The following NFATC1 variants were observed in gnomAD, a reference collection of about 807,000 sequenced individuals.
NFATC1 encodes nuclear factor of activated T-cells, cytoplasmic 1.
NFATC1 carries 22 observed loss-of-function variants against 76.0 expected under a neutral mutation model. That is an observed-to-expected ratio of 0.29 (90% CI 0.21 to 0.41). The LOEUF (loss-of-function observed/expected upper bound fraction) is 0.41. NFATC1 is among the 10% of genes least tolerant of loss of function. NFATC1 has a pLI of 1.00. For synonymous variants in NFATC1, 704 were observed against 613.1 expected (o/e 1.15, Z -2.19); for missense variants, 1,357 against 1,337.7 (o/e 1.01, Z -0.23).
chr18:79,494,883 G>T (rs866963751), intron 9 of NFATC1, among the ~76,000 whole-genome samples: 1 of 141,604 alleles, frequency 7.1e-6, no homozygotes, highest in African/African-American at 2.6e-5. Context: ...GCGGGCACAC[G>T]CCCCCCATGA....
intron 8 of NFATC1, among the ~76,000 whole-genome samples, chr18:79,483,643 G>GGTCCTGGGGTGTCACTCTGGCGTGACCTT (rs2089395537): frequency 1.4e-5 from 2 of 142,528 alleles, no homozygotes; most frequent in Non-Finnish European, 3.0e-5. Context: ...GGCGTGACCT[G>GGTCCTGGGGTGTCACTCTGGCGTGACCTT]GTCCTGGGGT....
At position 79,461,380 on chromosome 18, in the gene NFATC1, G is replaced by A. The variant is rs752444771; in HGVS notation, c.1959+14G>A. On this transcript the variant is annotated intron_variant, in intron 7 of 9. Coordinates refer to ENST00000427363, the MANE Select transcript of NFATC1 (RefSeq NM_001278669.2). ...CTGTGCAAGCCGGTGAGTGCCTTTG[G>A]CGCAGCTGGAGCTACTGTGGGTCCC... is the stretch of plus-strand genomic sequence containing the variant. 1.7e-5 allele frequency: 27 copies of A among 1,613,986 alleles called. No individual in the cohort carries two copies. In the South Asian group the frequency reaches 2.7e-4, roughly 16 times the overall value.
rs768427557 is a variant in NFATC1 at position 79,486,659 on chromosome 18, C to T, written c.2504C>T (p.Pro835Leu). ...QVSAPPSSSCPPGLEHSLCPS... is the reference protein window; with the variant it reads ...QVSAPPSSSCLPGLEHSLCPS... ...AGTGCGCCTCCAAGCAGTAGCTGCC[C>T]CCCTGGTCTCGAACACTCGCTCTGC... Residue 835 changes from proline to leucine, a missense_variant, in exon 9 of 10, where the codon CCC becomes CTC. By Grantham distance (98) the Pro-to-Leu change is moderately conservative (BLOSUM62 -3). Coordinates refer to ENST00000427363, the MANE Select transcript of NFATC1 (RefSeq NM_001278669.2). The T allele has an allele frequency of 4.4e-6, 7 of 1,603,996 alleles. No homozygotes were observed. In the South Asian group the frequency reaches 7.7e-5, roughly 18 times the overall value.
In NFATC1 at chr18:79,448,858, C is replaced by T. The variant is rs2087332040; in HGVS notation, c.1463C>T (p.Pro488Leu). ...ACGGCGGACGACCGCCTGCTGCGCCCGCACGCCTTCTACCAGGTGCACCGC... is the reference window on the plus strand; with the variant it reads ...ACGGCGGACGACCGCCTGCTGCGCCTGCACGCCTTCTACCAGGTGCACCGC... ...IGTADDRLLR[P>L]HAFYQVHRIT... is the part of the protein sequence containing the mutation. Residue 488 changes from proline (P) to leucine (L), a missense_variant, in exon 4 of 10, where the codon CCG becomes CTG. Pro to Leu is a moderately conservative substitution (Grantham distance 98). Coordinates refer to ENST00000427363, the MANE Select transcript of NFATC1 (RefSeq NM_001278669.2). 2 of 1,613,720 alleles carry T rather than the reference C, an allele frequency of 1.2e-6. No individual in the cohort carries two copies. Among genetic ancestry groups the T allele is most frequent in the Non-Finnish European group, 8.5e-7 (1 of 1,180,046 alleles).
At chr18:79,408,071 C>T (rs1349094548) in intron 1 of NFATC1, among the ~76,000 whole-genome samples, 1 of 152,214 alleles carries the variant, frequency 6.6e-6, no homozygotes, top group Non-Finnish European at 1.5e-5. Flanking sequence ...ATTGAGGCCA[C>T]GGTGTGTCCT....
chr18:79,408,730 A>G (rs2085526724), intron 1 of NFATC1, among the ~76,000 whole-genome samples: 1 of 152,170 alleles, frequency 6.6e-6, no homozygotes, highest in South Asian at 2.1e-4. Context: ...ATCCATCATC[A>G]TCCATCCATC....
Position 79,465,462 on chromosome 18 carries a change from G to T in NFATC1, c.1960-1988G>T, listed in dbSNP as rs1034470204. Reference sequence around the variant, plus strand: ...ACAAGGTCCCGCCTCCGCCCAGCCAGCCTGGCCCACGGAATCTCCGCCTCT... The same window carrying T: ...ACAAGGTCCCGCCTCCGCCCAGCCATCCTGGCCCACGGAATCTCCGCCTCT... On this transcript the variant is annotated intron_variant, in intron 7 of 9. Transcript: ENST00000427363. This position sits in a 1 kb window ranked among gnomAD's most constrained non-coding sequence, Gnocchi z 4.2. 2.0e-5 allele frequency among the ~76,000 whole-genome samples: 3 copies of T among 148,784 alleles called. No individual in the cohort carries two copies. The highest frequency in any genetic ancestry group is 3.0e-5 in the Non-Finnish European group (2 of 67,140).
intron 8 of NFATC1, among the ~76,000 whole-genome samples, chr18:79,485,686 C>CCA (rs2145058268): frequency 6.6e-6 from 1 of 152,356 alleles, no homozygotes; most frequent in South Asian, 2.1e-4. Context: ...GTCACAGCCT[C>CCA]CACACAGCCT....
In NFATC1 at chr18:79,512,933, G is replaced by A. The variant is rs566176117; in HGVS notation, c.2783-14595G>A. Among the ~76,000 whole-genome samples, 10 of 152,316 alleles carry A rather than the reference G, an allele frequency of 6.6e-5. No homozygotes were observed. In the South Asian group the frequency reaches 8.3e-4, roughly 13 times the overall value. On this transcript the variant is annotated intron_variant, in intron 9 of 9. Transcript: ENST00000427363. ...GCAGGGACGTCCTGACCGTAGGTCCGCACCCCACCCACACCAAATCGCCTT... is the reference window on the plus strand; with the variant it reads ...GCAGGGACGTCCTGACCGTAGGTCCACACCCCACCCACACCAAATCGCCTT...
At position 79,464,579 on chromosome 18, in the gene NFATC1, T is replaced by C. The variant is rs555756291; in HGVS notation, c.1960-2871T>C. The stretch of plus-strand genomic sequence containing the variant: ...TGGGCATGCGTCCTGCTCCATTTGC[T>C]GCTGTGTGTGGATGTTCACGCAGAC... On this transcript the variant is annotated intron_variant, in intron 7 of 9. Coordinates refer to ENST00000427363, the MANE Select transcript of NFATC1 (RefSeq NM_001278669.2). Among the ~76,000 whole-genome samples the C allele has an allele frequency of 1.4e-3, 197 of 145,368 alleles. 1 individual carries two copies. The highest frequency in any genetic ancestry group is 4.8e-3 in the African/African-American group (187 of 39,026).
intron 3 of NFATC1, among the ~76,000 whole-genome samples, chr18:79,442,634 T>C (rs986610125): frequency 2.6e-5 from 4 of 152,222 alleles, no homozygotes; most frequent in Non-Finnish European, 5.9e-5. Context: ...TTCACAGACG[T>C]GCGGTGGCGG....
rs570474560 is a variant in NFATC1 at position 79,523,108 on chromosome 18, G to A, written c.2783-4420G>A. On this transcript the variant is annotated intron_variant, in intron 9 of 9. Transcript: ENST00000427363. ...AGTACCTGCCTTTGCCGCTCCCGGGGCTGTTGCAAGGAGCAAGCAGGTGCA... is the reference window on the plus strand; with the variant it reads ...AGTACCTGCCTTTGCCGCTCCCGGGACTGTTGCAAGGAGCAAGCAGGTGCA... 2.6e-5 allele frequency among the ~76,000 whole-genome samples: 4 copies of A among 152,354 alleles called. No individual in the cohort carries two copies. In the South Asian group the frequency reaches 8.3e-4, roughly 32 times the overall value.
At chr18:79,415,151 C>T (rs187098609) in intron 2 of NFATC1, among the ~76,000 whole-genome samples, 10 of 152,294 alleles carry the variant, frequency 6.6e-5, no homozygotes, top group East Asian at 1.9e-4. Flanking sequence ...TCTCACTCTC[C>T]GCACCCAGAC....
At chr18:79,397,740 G>C (rs904143570) in intron 1 of NFATC1, among the ~76,000 whole-genome samples, 1 of 152,146 alleles carries the variant, frequency 6.6e-6, no homozygotes, top group Non-Finnish European at 1.5e-5. Context: ...TCCAAGTTCA[G>C]ATCTCTGTAC....
At chr18:79,485,601 C>T (rs953996214) in intron 8 of NFATC1, among the ~76,000 whole-genome samples, 3 of 149,092 alleles carry the variant, frequency 2.0e-5, no homozygotes, top group Admixed American at 6.7e-5. Context: ...CCCAAAGCCC[C>T]GGACTTTTAG....
intron 1 of NFATC1, among the ~76,000 whole-genome samples, chr18:79,408,977 C>T (rs1339199226): frequency 3.9e-5 from 5 of 127,784 alleles, no homozygotes; most frequent in East Asian, 2.4e-4. Flanking sequence ...ATCATCCATC[C>T]ATCATCAAAC....
rs566035346 is a variant in NFATC1 at position 79,401,792 on chromosome 18, C to T, written c.127+5441C>T. 2.6e-5 allele frequency among the ~76,000 whole-genome samples: 4 copies of T among 152,144 alleles called. No homozygotes were observed. In the South Asian group the frequency reaches 6.2e-4, roughly 24 times the overall value. ...GCAGTCATCGGGGGTCGGGTGGGAC[C>T]TCCCAGTACACCCCCGGTCGTTCAC... On this transcript the variant is annotated intron_variant, in intron 1 of 9. Coordinates refer to ENST00000427363, the MANE Select transcript of NFATC1 (RefSeq NM_001278669.2).
At chr18:79,517,045 A>G (rs1388588644) in intron 9 of NFATC1, among the ~76,000 whole-genome samples, 1 of 152,246 alleles carries the variant, frequency 6.6e-6, no homozygotes, top group African/African-American at 2.4e-5. Context: ...CCATATGTTC[A>G]TTAAGGTTTT....
chr18:79,511,311 C>T (rs74450512), intron 9 of NFATC1, among the ~76,000 whole-genome samples: 4 of 152,116 alleles, frequency 2.6e-5, no homozygotes, highest in Admixed American at 1.3e-4. Context: ...CTGCCTCCCC[C>T]CTCCCCGCTG....
Sources: gnomAD v4.1 joint callset for allele counts (sites outside exome capture counted in the v4.1 genomes callset) on GRCh38, gnomAD v4.1.1 for gene constraint, Gnocchi (gnomAD v3.1) non-coding constraint, MANE v1.5 for transcripts, NCBI Gene and HGNC (gene_info 2026-07-23, HGNC 2026-07-21) for gene names.